The following KCNQ3 variants were observed in gnomAD, a reference collection of about 807,000 sequenced individuals.
KCNQ3 encodes potassium voltage-gated channel subfamily Q member 3, also known as potassium voltage-gated channel subfamily KQT member 3.
Under a neutral mutation model 92.5 loss-of-function variants are expected in KCNQ3, and 30 were observed. The ratio of observed to expected loss-of-function variants is 0.32; its 90% CI spans 0.24 to 0.44. The LOEUF is 0.44. Ranked by LOEUF, KCNQ3 falls within the 20% of genes least tolerant of loss-of-function variation. The pLI is 1.00. For synonymous variants in KCNQ3, 450 were observed against 468.8 expected, an observed-to-expected ratio of 0.96 and a Z score of 0.52; for missense variants, 913 against 1,140.3, an observed-to-expected ratio of 0.80 and a Z score of 2.87.
chr8:132,301,666 C>A (rs1281117643), intron 1 of KCNQ3, among the ~76,000 whole-genome samples: 1 of 152,054 alleles, frequency 6.6e-6, no homozygotes, highest in Non-Finnish European at 1.5e-5. Context: ...GATGAAGGAA[C>A]CTAAGATGAT....
Position 132,129,694 on chromosome 8 carries a change from C to A in KCNQ3, c.2187G>T (p.Lys729Asn), listed in dbSNP as rs1824796616. The A allele has an allele frequency of 1.2e-6, 2 of 1,614,170 alleles. No homozygotes were observed. Among genetic ancestry groups the A allele is most frequent in the Non-Finnish European group, 1.7e-6 (2 of 1,180,046 alleles). Reference protein sequence around the residue: ...NLPRGGPSSGKVQATPPSSAT... With the variant: ...NLPRGGPSSGNVQATPPSSAT... ...CTGAGGAAGGAGGAGTTGCCTGAAC[C>A]TTTCCAGAACTGGGTCCCCCTCGGG... Residue 729 changes from lysine to asparagine, a missense_variant, in exon 15 of 15, where the codon AAG becomes AAT. Lys to Asn is a moderately conservative substitution (Grantham distance 94). Transcript: ENST00000388996. This position sits in a 1 kb window ranked among gnomAD's most constrained non-coding sequence, Gnocchi z 5.9.
chr8:132,388,850 A>C (rs1273654987), intron 1 of KCNQ3, among the ~76,000 whole-genome samples: 1 of 152,242 alleles, frequency 6.6e-6, no homozygotes, highest in African/African-American at 2.4e-5. Flanking sequence ...GTCTTACATG[A>C]ATCGTGATTT....
At chr8:132,238,188 C>T (rs959292708) in intron 1 of KCNQ3, among the ~76,000 whole-genome samples, 25 of 152,062 alleles carry the variant, frequency 1.6e-4, no homozygotes, top group Admixed American at 2.0e-4. Flanking sequence ...AGAACAGACT[C>T]GGCGGAGGGG....
rs571535483 is a variant in KCNQ3 at position 132,163,152 on chromosome 8, T to C, written c.1262+316A>G. Among the ~76,000 whole-genome samples, 32 of 152,302 alleles carry C rather than the reference T, an allele frequency of 2.1e-4. No individual in the cohort carries two copies. The South Asian group carries it at 6.4e-3, about 31-fold the overall frequency. On this transcript the variant is annotated intron_variant, in intron 9 of 14. Transcript: ENST00000388996. Reference sequence around the variant, plus strand: ...AACCCAACCTCTCTGAGCCACAATCTCCTCATCCACAAGGGATGATATTAG... The same window carrying C: ...AACCCAACCTCTCTGAGCCACAATCCCCTCATCCACAAGGGATGATATTAG...
chr8:132,275,436 G>A (rs1328829690), intron 1 of KCNQ3, among the ~76,000 whole-genome samples: 2 of 152,090 alleles, frequency 1.3e-5, no homozygotes, highest in East Asian at 3.9e-4. Flanking sequence ...ATAGAAAGGG[G>A]TTCCAAGCAC....
chr8:132,352,160 C>G (rs907122919), intron 1 of KCNQ3, among the ~76,000 whole-genome samples: 1 of 152,136 alleles, frequency 6.6e-6, no homozygotes, highest in Non-Finnish European at 1.5e-5. Flanking sequence ...ATGTAACTTA[C>G]CCAAAGTTAC....
At chr8:132,408,970 A>G (rs1048668135) in intron 1 of KCNQ3, among the ~76,000 whole-genome samples, 2 of 152,188 alleles carry the variant, frequency 1.3e-5, no homozygotes, top group African/African-American at 4.8e-5. Flanking sequence ...TTGAGTGGAG[A>G]ACACAGCTAT....
chr8:132,292,868 T>C (rs1816897897), intron 1 of KCNQ3, among the ~76,000 whole-genome samples: 1 of 152,092 alleles, frequency 6.6e-6, no homozygotes, highest in Admixed American at 6.5e-5. Context: ...TCCAGAGAGA[T>C]TCCTGCCCCA....
chr8:132,132,048 A>G (rs779613166), intron 14 of KCNQ3, 132 bp downstream of exon 14: 3 of 692,324 alleles, frequency 4.3e-6, no homozygotes, highest in Non-Finnish European at 7.7e-6. Flanking sequence ...AGATCGCGCC[A>G]TTGCACTCCA....
chr8:132,224,081 ATTTTTTTTTTT>A (rs1164773143), intron 1 of KCNQ3, among the ~76,000 whole-genome samples: 561 of 39,470 alleles, frequency 0.014, 10 homozygotes, highest in African/African-American at 0.043. Context: ...ATGCCAGGCT[ATTTTTTTTTTT>A]TTTTTTTTTT....
chr8:132,337,723 A>G (rs2130676893), intron 1 of KCNQ3, among the ~76,000 whole-genome samples: 1 of 152,290 alleles, frequency 6.6e-6, no homozygotes, highest in South Asian at 2.1e-4. Flanking sequence ...CCATTGCTAC[A>G]GGAAAATGCA....
intron 1 of KCNQ3, among the ~76,000 whole-genome samples, chr8:132,257,190 T>A: frequency 6.6e-6 from 1 of 152,212 alleles, no homozygotes; most frequent in South Asian, 2.1e-4. Context: ...AACTAGACTA[T>A]GATAAATTAA....
At chr8:132,342,379 C>T (rs1818558122) in intron 1 of KCNQ3, among the ~76,000 whole-genome samples, 1 of 151,826 alleles carries the variant, frequency 6.6e-6, no homozygotes, top group Non-Finnish European at 1.5e-5. Context: ...CATCAAATTT[C>T]CCCAATTCTC....
intron 1 of KCNQ3, among the ~76,000 whole-genome samples, chr8:132,419,459 C>A (rs1563904526): frequency 1.3e-5 from 2 of 152,148 alleles, no homozygotes; most frequent in Non-Finnish European, 2.9e-5. Flanking sequence ...GGAAAATTCA[C>A]ACAAAAAACA....
At chr8:132,392,243 G>A (rs1820066635) in intron 1 of KCNQ3, among the ~76,000 whole-genome samples, 1 of 152,056 alleles carries the variant, frequency 6.6e-6, no homozygotes, top group African/African-American at 2.4e-5. Context: ...AAACCCTTTG[G>A]AACTCATCTT....
intron 1 of KCNQ3, among the ~76,000 whole-genome samples, chr8:132,323,475 C>T (rs571134839): frequency 9.2e-5 from 14 of 152,294 alleles, no homozygotes; most frequent in African/African-American, 3.1e-4. Flanking sequence ...TTTACTTATT[C>T]TTTGGTCGCT....
intron 1 of KCNQ3, among the ~76,000 whole-genome samples, chr8:132,218,264 T>C (rs889002042): frequency 1.3e-5 from 2 of 152,196 alleles, no homozygotes; most frequent in African/African-American, 4.8e-5. Flanking sequence ...CCTGGGACAC[T>C]ACCTAGCACA....
intron 1 of KCNQ3, among the ~76,000 whole-genome samples, chr8:132,251,853 T>A (rs910080193): frequency 6.6e-6 from 1 of 152,224 alleles, no homozygotes; most frequent in Non-Finnish European, 1.5e-5. Context: ...TTTATTTCTA[T>A]CTGGACCTTT....
chr8:132,236,145 T>A (rs1045290956), intron 1 of KCNQ3, among the ~76,000 whole-genome samples: 3 of 152,230 alleles, frequency 2.0e-5, no homozygotes, highest in African/African-American at 7.2e-5. Context: ...TGGAGAGCTA[T>A]CTATTCTACT....
Sources: allele counts gnomAD v4.1 joint callset (sites outside exome capture counted in the v4.1 genomes callset), GRCh38; gene constraint gnomAD v4.1.1; non-coding constraint Gnocchi (gnomAD v3.1); transcripts MANE v1.5; gene names NCBI Gene and HGNC (gene_info 2026-07-23, HGNC 2026-07-21).